The following TPRG1 variants were observed in gnomAD, a reference collection of about 807,000 sequenced individuals.
TPRG1 encodes tumor protein p63 regulated 1.
TPRG1 carries 29 observed loss-of-function variants against 29.3 expected under a neutral mutation model. The ratio of observed to expected loss-of-function variants is 0.99; its 90% CI spans 0.74 to 1.35. The LOEUF is 1.35. Among genes scored for constraint, TPRG1 ranks in the 40% most tolerant of loss-of-function variants. The pLI is 0.00. For synonymous variants in TPRG1, 130 were observed against 116.8 expected, an observed-to-expected ratio of 1.11 and a Z score of -0.73; for missense variants, 327 against 335.0, an observed-to-expected ratio of 0.98 and a Z score of 0.19.
intron 4 of TPRG1, among the ~76,000 whole-genome samples, chr3:189,067,925 A>G (rs1488224961): frequency 6.6e-6 from 1 of 152,220 alleles, no homozygotes; most frequent in African/African-American, 2.4e-5. Flanking sequence ...TCTGGCTGAC[A>G]AGGGATTACT....
intron 4 of TPRG1, among the ~76,000 whole-genome samples, chr3:189,269,540 T>C (rs1040300480): frequency 6.6e-6 from 1 of 152,134 alleles, no homozygotes; most frequent in African/African-American, 2.4e-5. Context: ...TGAGAACTCA[T>C]CTGGAGGAAT....
intron 4 of TPRG1, among the ~76,000 whole-genome samples, chr3:189,276,327 C>A (rs1353247915): frequency 6.6e-6 from 1 of 151,930 alleles, no homozygotes; most frequent in African/African-American, 2.4e-5. Flanking sequence ...AGTGGAAGAG[C>A]ATTTTAAAAA....
intron 4 of TPRG1, among the ~76,000 whole-genome samples, chr3:189,055,977 T>C (rs566179993): frequency 2.4e-3 from 360 of 152,062 alleles, no homozygotes; most frequent in Middle Eastern, 6.8e-3. Flanking sequence ...TTACTCTGCT[T>C]CAATGTCACC....
intron 4 of TPRG1, among the ~76,000 whole-genome samples, chr3:189,061,212 A>G (rs189752167): frequency 5.7e-4 from 87 of 152,348 alleles, no homozygotes; most frequent in African/African-American, 2.0e-3. Flanking sequence ...TCCTTGTTCA[A>G]TAAACGGTGT....
At chr3:189,282,514 ATTCT>A (rs1717334345) in intron 4 of TPRG1, among the ~76,000 whole-genome samples, 1 of 151,710 alleles carries the variant, frequency 6.6e-6, no homozygotes, top group Non-Finnish European at 1.5e-5. Context: ...CTTTTTGTTA[ATTCT>A]TTCTTCCTCT....
chr3:189,022,830 G>A (rs1046590610), intron 3 of TPRG1, among the ~76,000 whole-genome samples: 3 of 152,212 alleles, frequency 2.0e-5, no homozygotes, highest in South Asian at 2.1e-4. Flanking sequence ...CCCCAGCCTC[G>A]CTGCCGCCTT....
chr3:189,152,333 C>A (rs936419247), intron 5 of TPRG1, among the ~76,000 whole-genome samples: 1 of 152,190 alleles, frequency 6.6e-6, no homozygotes, highest in Admixed American at 6.5e-5. Flanking sequence ...GGGCCATGGG[C>A]ACTTCCTAGT....
At chr3:189,148,255 A>C (rs552798931) in intron 4 of TPRG1, among the ~76,000 whole-genome samples, 1 of 152,192 alleles carries the variant, frequency 6.6e-6, no homozygotes, top group Non-Finnish European at 1.5e-5. Context: ...AGTTTACTCT[A>C]AACTTAGAAG....
At chr3:189,190,993 C>G in intron 1 of TPRG1, 1 of 985,350 alleles carries the variant, frequency 1.0e-6, no homozygotes, top group Non-Finnish European at 1.2e-6. Flanking sequence ...ACAGGTAGGT[C>G]TTTTAATTTT....
intron 4 of TPRG1, among the ~76,000 whole-genome samples, chr3:189,049,473 C>T (rs1560414368): frequency 1.3e-5 from 2 of 152,138 alleles, no homozygotes; most frequent in Non-Finnish European, 2.9e-5. Flanking sequence ...ACCCCCATAC[C>T]CCACAGCAGC....
chr3:189,128,252 G>T (rs371864323), intron 2 of TPRG1, among the ~76,000 whole-genome samples: 2 of 152,190 alleles, frequency 1.3e-5, no homozygotes, highest in African/African-American at 4.8e-5. Flanking sequence ...AGCATGGGCC[G>T]CCATGGCCCT....
At chr3:189,018,282 GT>G (rs1260330279) in intron 3 of TPRG1, among the ~76,000 whole-genome samples, 1 of 147,852 alleles carries the variant, frequency 6.8e-6, no homozygotes, top group African/African-American at 2.5e-5. Context: ...TGCTTTTGGT[GT>G]TTTAGACATG....
chr3:189,215,204 G>A (rs894352505), intron 2 of TPRG1, 88 bp from the exon 3 acceptor site: 11 of 1,067,116 alleles, frequency 1.0e-5, no homozygotes, highest in Middle Eastern at 2.1e-4. Context: ...CCAGCTTTCC[G>A]GAGGAGCTGC....
Position 189,305,899 on chromosome 3 carries a change from G to C in TPRG1, c.480-4487G>C, listed in dbSNP as rs568105429. 5.3e-4 allele frequency among the ~76,000 whole-genome samples: 80 copies of C among 152,310 alleles called. No homozygotes were observed. In the South Asian group the frequency reaches 0.017, roughly 32 times the overall value. Reference sequence around the variant, plus strand: ...CTTTGGAACTTACTAGAAGTAAAGAGTACATTGTCCTTCTTACTTCCACTA... The same window carrying C: ...CTTTGGAACTTACTAGAAGTAAAGACTACATTGTCCTTCTTACTTCCACTA... On this transcript the variant is annotated intron_variant, in intron 4 of 5. Transcript: ENST00000345063.
intron 4 of TPRG1, among the ~76,000 whole-genome samples, chr3:189,304,413 T>C (rs1227005803): frequency 1.3e-5 from 2 of 152,170 alleles, no homozygotes; most frequent in Non-Finnish European, 2.9e-5. Context: ...TATTTATTAC[T>C]TACCTCTGCC....
At chr3:189,298,374 A>G (rs1720296264) in intron 4 of TPRG1, among the ~76,000 whole-genome samples, 1 of 152,068 alleles carries the variant, frequency 6.6e-6, no homozygotes. Context: ...GATGAGATAG[A>G]CCCTTTAGGT....
At chr3:189,190,884 C>T (rs112298439) in intron 1 of TPRG1, 17 of 813,592 alleles carry the variant, frequency 2.1e-5, no homozygotes, top group African/African-American at 1.5e-4. Flanking sequence ...GTGATTGAGT[C>T]ATACATTTAC....
chr3:189,228,170 G>T (rs1016588813), intron 3 of TPRG1, among the ~76,000 whole-genome samples: 4 of 152,056 alleles, frequency 2.6e-5, no homozygotes, highest in African/African-American at 9.7e-5. Flanking sequence ...TCCTCTAAAA[G>T]AAAATTTTAG....
intron 4 of TPRG1, among the ~76,000 whole-genome samples, chr3:189,240,887 A>G (rs1560594913): frequency 1.3e-5 from 2 of 152,324 alleles, no homozygotes; most frequent in South Asian, 2.1e-4. Context: ...GCCTCATGCT[A>G]TAATATCTAC....
Sources: gnomAD v4.1 joint callset for allele counts (sites outside exome capture counted in the v4.1 genomes callset) on GRCh38, gnomAD v4.1.1 for gene constraint, MANE v1.5 for transcripts, NCBI Gene and HGNC (gene_info 2026-07-23, HGNC 2026-07-21) for gene names.